NYAP2: variants seen among roughly 807,000 people sequenced by gnomAD.
NYAP2 encodes neuronal tyrosine-phosphorylated phosphoinositide-3-kinase adapter 2.
A neutral mutation model predicts 50.4 loss-of-function variants in NYAP2; 23 were observed. The observed-to-expected ratio is 0.46, with a 90% CI of 0.33 to 0.65. The LOEUF (loss-of-function observed/expected upper bound fraction) is 0.65. Ranked by LOEUF, NYAP2 falls within the 30% of genes least tolerant of loss-of-function variation. The probability of loss-of-function intolerance (pLI) is 0.02; values close to 1 mark genes in which losing one functional copy is unlikely to be tolerated. For synonymous variants in NYAP2, 394 were observed against 365.2 expected (o/e 1.08, Z -0.90); for missense variants, 885 against 861.0 (o/e 1.03, Z -0.35).
At chr2:225,560,968 A>G (rs569540798) in intron 4 of NYAP2, among the ~76,000 whole-genome samples, 21 of 134,208 alleles carry the variant, frequency 1.6e-4, no homozygotes, top group African/African-American at 5.6e-4. Flanking sequence ...TCATGAATTC[A>G]TCAATTCAAC....
intron 3 of NYAP2, among the ~76,000 whole-genome samples, chr2:225,429,186 G>C (rs1475469024): frequency 2.0e-5 from 3 of 152,154 alleles, no homozygotes; most frequent in African/African-American, 7.2e-5. Context: ...TGGGGGTGTC[G>C]AGGGGGGATT....
chr2:225,537,251 A>G (rs1293555013), intron 4 of NYAP2, among the ~76,000 whole-genome samples: 1 of 152,152 alleles, frequency 6.6e-6, no homozygotes, highest in Non-Finnish European at 1.5e-5. Context: ...TGCCTGGCTC[A>G]TTTCACTTAA....
intron 3 of NYAP2, among the ~76,000 whole-genome samples, chr2:225,497,641 A>G (rs1051434771): frequency 3.9e-5 from 6 of 152,262 alleles, no homozygotes; most frequent in African/African-American, 1.4e-4. Flanking sequence ...CTGAGGGATC[A>G]TGGGGTAAGG....
At chr2:225,661,494 T>G in the NYAP2 span, among the ~76,000 whole-genome samples, 1 of 152,228 alleles carries the variant, frequency 6.6e-6, no homozygotes, top group African/African-American at 2.4e-5. Context: ...GTGCTCAGAA[T>G]GCTGTATTAT....
chr2:225,642,641 G>A (rs1408683039), intron 6 of NYAP2, among the ~76,000 whole-genome samples: 1 of 152,152 alleles, frequency 6.6e-6, no homozygotes, highest in African/African-American at 2.4e-5. Flanking sequence ...ACCAGTCAAT[G>A]AGACCAAAGG....
At chr2:225,475,384 A>T (rs1241513382) in intron 3 of NYAP2, among the ~76,000 whole-genome samples, 1 of 152,208 alleles carries the variant, frequency 6.6e-6, no homozygotes, top group Non-Finnish European at 1.5e-5. Flanking sequence ...GGAGGAGTTA[A>T]AGTTATCTCT....
At chr2:225,685,644 ATAGTCATTTT>A in the NYAP2 span, among the ~76,000 whole-genome samples, 8 of 152,102 alleles carry the variant, frequency 5.3e-5, no homozygotes, top group Non-Finnish European at 1.2e-4. Context: ...ATTTTTTTCT[ATAGTCATTTT>A]TAATCTCCAA....
the NYAP2 span, among the ~76,000 whole-genome samples, chr2:225,682,003 C>A: frequency 2.0e-5 from 3 of 152,106 alleles, no homozygotes; most frequent in African/African-American, 7.2e-5. Flanking sequence ...TTTAGCATTT[C>A]AATTATTATT....
intron 5 of NYAP2, among the ~76,000 whole-genome samples, chr2:225,605,262 T>G (rs1362041113): frequency 6.6e-6 from 1 of 152,160 alleles, no homozygotes; most frequent in Non-Finnish European, 1.5e-5. Flanking sequence ...TGTGCATATA[T>G]TCAGCTACCC....
chr2:225,525,853 C>T (rs1691140926), intron 4 of NYAP2, among the ~76,000 whole-genome samples: 1 of 152,144 alleles, frequency 6.6e-6, no homozygotes, highest in South Asian at 2.1e-4. Flanking sequence ...ATTCAAGATT[C>T]CCCCACTCCC....
the NYAP2 span, among the ~76,000 whole-genome samples, chr2:225,690,609 A>G: frequency 2.6e-5 from 4 of 152,180 alleles, no homozygotes; most frequent in South Asian, 6.2e-4. Context: ...CTAATATTAA[A>G]TCTCTTATCT....
chr2:225,543,446 T>G (rs917783727), intron 4 of NYAP2, among the ~76,000 whole-genome samples: 1 of 152,004 alleles, frequency 6.6e-6, no homozygotes, highest in Admixed American at 6.5e-5. Context: ...AGTATTGGTA[T>G]GTTCTTTCCA....
chr2:225,592,304 A>AG (rs1692521305), intron 5 of NYAP2, among the ~76,000 whole-genome samples: 2 of 152,124 alleles, frequency 1.3e-5, no homozygotes, highest in African/African-American at 4.8e-5. Flanking sequence ...GGCTACTCCA[A>AG]GGGGAAAAAT....
intron 4 of NYAP2, among the ~76,000 whole-genome samples, chr2:225,555,827 G>T (rs1189544409): frequency 6.6e-6 from 1 of 152,182 alleles, no homozygotes; most frequent in African/African-American, 2.4e-5. Flanking sequence ...ACAGATGGAA[G>T]AAATTGGTTG....
chr2:225,497,713 A>G (rs1252586621), intron 3 of NYAP2, among the ~76,000 whole-genome samples: 1 of 152,214 alleles, frequency 6.6e-6, no homozygotes, highest in East Asian at 1.9e-4. Context: ...TAGTGGTCAC[A>G]CAATGATTTA....
intron 4 of NYAP2, among the ~76,000 whole-genome samples, chr2:225,536,048 T>A (rs1017538571): frequency 6.6e-6 from 1 of 152,190 alleles, no homozygotes; most frequent in African/African-American, 2.4e-5. Context: ...CAGTAAGAGA[T>A]CTATAGATGC....
chr2:225,502,310 C>T (rs534193311), intron 3 of NYAP2, among the ~76,000 whole-genome samples: 1 of 152,116 alleles, frequency 6.6e-6, no homozygotes, highest in Non-Finnish European at 1.5e-5. Context: ...CCAACAGGGA[C>T]AAAAATTAAT....
chr2:225,484,354 G>A (rs1032952350), intron 3 of NYAP2, among the ~76,000 whole-genome samples: 6 of 152,164 alleles, frequency 3.9e-5, no homozygotes, highest in African/African-American at 7.2e-5. Flanking sequence ...ACTGGGGCTC[G>A]GCCACTTATA....
At chr2:225,625,748 T>C (rs907552241) in intron 5 of NYAP2, among the ~76,000 whole-genome samples, 4 of 152,082 alleles carry the variant, frequency 2.6e-5, no homozygotes, top group Admixed American at 6.6e-5. Flanking sequence ...TTGCCGATGA[T>C]ATTAAAGAGC....
Sources: gnomAD v4.1 joint callset for allele counts (sites outside exome capture counted in the v4.1 genomes callset) on GRCh38, gnomAD v4.1.1 for gene constraint, MANE v1.5 for transcripts, NCBI Gene and HGNC (gene_info 2026-07-23, HGNC 2026-07-21) for gene names.